The following RERG variants were observed in gnomAD, a reference collection of about 807,000 sequenced individuals.
RERG encodes ras-related and estrogen-regulated growth inhibitor.
A neutral mutation model predicts 23.2 loss-of-function variants in RERG; 25 were observed. The observed-to-expected ratio is 1.08, with a 90% confidence interval of 0.79 to 1.50. RERG has a LOEUF of 1.50. RERG is among the 40% of genes most tolerant of loss of function. RERG has a pLI of 0.00. For synonymous variants in RERG, 81 were observed against 89.1 expected (o/e 0.91, Z 0.51); for missense variants, 253 against 250.1 (o/e 1.01, Z -0.08).
At chr12:15,205,465 T>A (rs1169683289) in intron 2 of RERG, among the ~76,000 whole-genome samples, 1 of 152,034 alleles carries the variant, frequency 6.6e-6, no homozygotes, top group East Asian at 1.9e-4. Flanking sequence ...ATACGAAATA[T>A]TTGAATGGAA....
At chr12:15,136,906 G>A (rs10846147) in intron 2 of RERG, among the ~76,000 whole-genome samples, 151,294 of 152,086 alleles carry the variant, frequency 0.99, 75,261 homozygotes, top group East Asian at 1. Flanking sequence ...ATAGATGTCA[G>A]TTATATCTAG....
At chr12:15,215,843 G>C (rs1865434192) in intron 2 of RERG, among the ~76,000 whole-genome samples, 1 of 152,150 alleles carries the variant, frequency 6.6e-6, no homozygotes, top group Admixed American at 6.5e-5. Flanking sequence ...CACCCAGCTT[G>C]CTCCGAGATC....
intron 1 of RERG, among the ~76,000 whole-genome samples, chr12:15,219,708 C>T (rs545676465): frequency 8.1e-4 from 124 of 152,236 alleles, no homozygotes; most frequent in Middle Eastern, 3.4e-3. Flanking sequence ...ACATTGAACA[C>T]GCAAGTGTCT....
At chr12:15,162,404 T>G (rs1864628207) in intron 2 of RERG, among the ~76,000 whole-genome samples, 1 of 152,230 alleles carries the variant, frequency 6.6e-6, no homozygotes, top group African/African-American at 2.4e-5. Flanking sequence ...GGCATATAAA[T>G]ATTAACTATA....
intron 2 of RERG, among the ~76,000 whole-genome samples, chr12:15,196,694 T>C (rs1468328140): frequency 1.3e-5 from 2 of 152,202 alleles, no homozygotes; most frequent in Non-Finnish European, 2.9e-5. Flanking sequence ...AAATCATTTC[T>C]AAAGAACTTT....
At chr12:15,193,424 ACAC>A (rs1213808610) in intron 2 of RERG, among the ~76,000 whole-genome samples, 14 of 152,096 alleles carry the variant, frequency 9.2e-5, no homozygotes, top group African/African-American at 3.4e-4. Context: ...TTACTTTCAG[ACAC>A]CACAAGATGT....
chr12:15,211,782 A>T (rs151149264), intron 2 of RERG, among the ~76,000 whole-genome samples: 1 of 152,204 alleles, frequency 6.6e-6, no homozygotes, highest in Non-Finnish European at 1.5e-5. Context: ...ACATCAAATT[A>T]TACTCTATAA....
At chr12:15,114,559 A>C (rs541864365) in intron 3 of RERG, 2 of 152,330 alleles carry the variant, frequency 1.3e-5, no homozygotes, top group African/African-American at 4.8e-5. Flanking sequence ...AAAATTATAA[A>C]GTTATAAAGC....
At chr12:15,164,328 C>T (rs1305037493) in intron 2 of RERG, among the ~76,000 whole-genome samples, 4 of 152,308 alleles carry the variant, frequency 2.6e-5, no homozygotes, top group East Asian at 3.9e-4. Context: ...GTATTTGGGA[C>T]ATCCATAAAG....
At position 15,196,897 on chromosome 12, in the gene RERG, G is replaced by A. The variant is rs553654554; in HGVS notation, c.61+20532C>T. Among the ~76,000 whole-genome samples, 37 of 152,230 alleles carry A rather than the reference G, an allele frequency of 2.4e-4. 3 individuals carry two copies. In the South Asian group the frequency reaches 7.3e-3, roughly 30 times the overall value. ...CGTAGGTGAGAATGAGAAGAGAAGTGAGAATTCTAATCATAAAATAACCAA... is the reference window on the plus strand; with the variant it reads ...CGTAGGTGAGAATGAGAAGAGAAGTAAGAATTCTAATCATAAAATAACCAA... On this transcript the variant is annotated intron_variant, in intron 2 of 4. Transcript: ENST00000256953.
chr12:15,188,680 A>G (rs1865026602), intron 2 of RERG, among the ~76,000 whole-genome samples: 1 of 152,226 alleles, frequency 6.6e-6, no homozygotes, highest in Non-Finnish European at 1.5e-5. Context: ...GTGTGCTTAT[A>G]CCAAAAACAT....
At chr12:15,140,798 T>A (rs750602292) in intron 2 of RERG, among the ~76,000 whole-genome samples, 3 of 152,132 alleles carry the variant, frequency 2.0e-5, no homozygotes, top group African/African-American at 4.8e-5. Flanking sequence ...ATAAGAAAGA[T>A]CTTCCCCCCA....
At chr12:15,117,671 A>ACGCGTGCG (rs10689953) in intron 3 of RERG, among the ~76,000 whole-genome samples, 182 of 68,024 alleles carry the variant, frequency 2.7e-3, no homozygotes, top group African/African-American at 8.9e-3. Context: ...TCCATCACAC[A>ACGCGTGCG]CGCGCACACA....
chr12:15,112,256 C>T (rs12815808), intron 3 of RERG: 96,141 of 152,048 alleles, frequency 0.63, 30,704 homozygotes, highest in Admixed American at 0.73. Context: ...TGTAAAACTA[C>T]GAGAAACTCT....
chr12:15,196,897 G>T (rs553654554), intron 2 of RERG, among the ~76,000 whole-genome samples: 1 of 152,112 alleles, frequency 6.6e-6, no homozygotes, highest in East Asian at 1.9e-4. Context: ...GAAGAGAAGT[G>T]AGAATTCTAA....
intron 2 of RERG, among the ~76,000 whole-genome samples, chr12:15,152,285 T>C (rs1252778936): frequency 1.3e-5 from 2 of 152,204 alleles, no homozygotes; most frequent in African/African-American, 4.8e-5. Context: ...TATTTCTGGC[T>C]GTCCTACTGA....
chr12:15,126,720 C>CTTT lies in RERG; in HGVS notation c.62-5604_62-5602dup, dbSNP rs1282479235. Among the ~76,000 whole-genome samples the CTTT allele has an allele frequency of 4.7e-5, 6 of 126,482 alleles. 1 individual carries two copies. Among genetic ancestry groups the CTTT allele is most frequent in the Non-Finnish European group, 6.7e-5 (4 of 59,542 alleles). 83.0% of individuals were successfully genotyped at this position (126,482 alleles called of 152,430 possible). A position where few individuals can be genotyped will look rare whatever the true frequency, so the allele number is the denominator to read the frequency against. On this transcript the variant is annotated intron_variant, in intron 2 of 4. Coordinates refer to ENST00000256953, the MANE Select transcript of RERG (RefSeq NM_032918.3). ...CCAGATAGCATTTCTTTTTCTTTTT[C>CTTT]TTTCTTTTTTTTTTTTTTTTGAGAC...
intron 2 of RERG, among the ~76,000 whole-genome samples, chr12:15,168,213 C>T (rs1864724206): frequency 6.6e-6 from 1 of 152,138 alleles, no homozygotes; most frequent in Non-Finnish European, 1.5e-5. Context: ...GATGTGGTCC[C>T]CTGCAGCTTT....
At chr12:15,134,571 C>A (rs1388369819) in intron 2 of RERG, among the ~76,000 whole-genome samples, 1 of 151,836 alleles carries the variant, frequency 6.6e-6, no homozygotes, top group African/African-American at 2.4e-5. Flanking sequence ...ATTGTGTTAT[C>A]TATTCTGGAT....
Sources: gnomAD v4.1 joint callset for allele counts (sites outside exome capture counted in the v4.1 genomes callset) on GRCh38, gnomAD v4.1.1 for gene constraint, MANE v1.5 for transcripts, NCBI Gene and HGNC (gene_info 2026-07-23, HGNC 2026-07-21) for gene names.